CNBD1: variants seen among roughly 807,000 people sequenced by gnomAD.
The protein encoded by CNBD1 is cyclic nucleotide-binding domain-containing protein 1.
In CNBD1, 71 loss-of-function variants were observed where a neutral mutation model predicts 54.4. The observed-to-expected ratio is 1.30, with a 90% CI of 1.08 to 1.59. CNBD1 has a LOEUF of 1.59. CNBD1 is among the 40% of genes most tolerant of loss of function. CNBD1 has a pLI of 0.00. For missense variants in CNBD1, 659 were observed against 518.0 expected, an observed-to-expected ratio of 1.27 and a Z score of -2.64; for synonymous variants, 182 against 170.7, an observed-to-expected ratio of 1.07 and a Z score of -0.51.
chr8:87,282,017 G>T (rs73280342), intron 6 of CNBD1, among the ~76,000 whole-genome samples: 42,564 of 151,106 alleles, frequency 0.28, 6,414 homozygotes, highest in African/African-American at 0.39. Flanking sequence ...TATTTTCTTT[G>T]AGTCAAATTA....
At chr8:87,325,066 T>C (rs1248061540) in intron 8 of CNBD1, among the ~76,000 whole-genome samples, 1 of 98,504 alleles carries the variant, frequency 1.0e-5, no homozygotes, top group East Asian at 2.1e-4. Context: ...ATGTACCCAG[T>C]AGTCATTCAG....
At chr8:86,875,559 G>T (rs1402870948) in intron 1 of CNBD1, among the ~76,000 whole-genome samples, 4 of 152,096 alleles carry the variant, frequency 2.6e-5, no homozygotes, top group Non-Finnish European at 5.9e-5. Flanking sequence ...ACACTGATTT[G>T]TATCTTTCTT....
In CNBD1 at chr8:87,120,943, C is replaced by T. The variant is rs146583520; in HGVS notation, c.432-85050C>T. On this transcript the variant is annotated intron_variant, in intron 4 of 10. Transcript: ENST00000518476. ...ACATACATCAGTTGGCAAGTGTTTC[C>T]TCTAATTTTCTGAAAGCACTTGTTA... Among the ~76,000 whole-genome samples the T allele has an allele frequency of 5.5e-4, 83 of 151,992 alleles. 1 individual carries two copies. Among genetic ancestry groups the T allele is most frequent in the African/African-American group, 2.0e-3 (83 of 41,530 alleles).
At chr8:86,912,274 A>G (rs116799682) in intron 3 of CNBD1, among the ~76,000 whole-genome samples, 147 of 152,330 alleles carry the variant, frequency 9.7e-4, no homozygotes, top group African/African-American at 3.4e-3. Flanking sequence ...ATGTTTATCA[A>G]TGAGGGGTAC....
intron 2 of CNBD1, among the ~76,000 whole-genome samples, chr8:86,896,115 C>T (rs1001965619): frequency 5.3e-5 from 8 of 151,926 alleles, no homozygotes; most frequent in Admixed American, 3.3e-4. Flanking sequence ...ATTCTTTTCC[C>T]ATTTTAAAAT....
chr8:87,289,880 T>G (rs937610689), intron 8 of CNBD1, among the ~76,000 whole-genome samples: 2 of 152,144 alleles, frequency 1.3e-5, no homozygotes, highest in African/African-American at 4.8e-5. Flanking sequence ...AGAACCGGTT[T>G]GATACCTCGA....
intron 4 of CNBD1, among the ~76,000 whole-genome samples, chr8:87,016,932 C>A (rs972978158): frequency 6.6e-6 from 1 of 152,180 alleles, no homozygotes; most frequent in Non-Finnish European, 1.5e-5. Context: ...TTTATGATAA[C>A]TGGGATATCC....
chr8:86,998,888 G>A (rs942041491), intron 4 of CNBD1, among the ~76,000 whole-genome samples: 1 of 152,090 alleles, frequency 6.6e-6, no homozygotes, highest in African/African-American at 2.4e-5. Context: ...GACCCTCAAA[G>A]CATCCCACAA....
chr8:87,119,108 A>AT (rs927008725), intron 4 of CNBD1, among the ~76,000 whole-genome samples: 38 of 151,460 alleles, frequency 2.5e-4, no homozygotes, highest in African/African-American at 6.8e-4. Flanking sequence ...GAATTTTAAG[A>AT]TTTTTTTTTC....
At chr8:87,027,580 A>AT in intron 4 of CNBD1, among the ~76,000 whole-genome samples, 1 of 152,124 alleles carries the variant, frequency 6.6e-6, no homozygotes, top group East Asian at 1.9e-4. Flanking sequence ...TGGCAGTTTG[A>AT]TTTTTAAAGG....
At chr8:87,263,758 C>T (rs1808191272) in intron 6 of CNBD1, among the ~76,000 whole-genome samples, 1 of 151,886 alleles carries the variant, frequency 6.6e-6, no homozygotes, top group African/African-American at 2.4e-5. Flanking sequence ...TTATACTCAA[C>T]ATATAAATAT....
chr8:87,369,683 G>C (rs545957934), intron 10 of CNBD1, among the ~76,000 whole-genome samples: 8 of 151,476 alleles, frequency 5.3e-5, no homozygotes, highest in Non-Finnish European at 1.0e-4. Context: ...GTACCATTGA[G>C]TATCATTTGT....
At chr8:87,096,111 TA>T (rs1811314687) in intron 4 of CNBD1, among the ~76,000 whole-genome samples, 1 of 152,216 alleles carries the variant, frequency 6.6e-6, no homozygotes, top group Non-Finnish European at 1.5e-5. Context: ...GTACAGGGAC[TA>T]TTTTGTAGGA....
At chr8:87,109,272 G>T (rs1811607494) in intron 4 of CNBD1, among the ~76,000 whole-genome samples, 1 of 152,036 alleles carries the variant, frequency 6.6e-6, no homozygotes, top group African/African-American at 2.4e-5. Flanking sequence ...GGACTATTTT[G>T]TCTTTAAATT....
At chr8:86,952,353 G>C (rs79082556) in intron 4 of CNBD1, among the ~76,000 whole-genome samples, 1 of 152,206 alleles carries the variant, frequency 6.6e-6, no homozygotes, top group African/African-American at 2.4e-5. Context: ...TGAATTATCT[G>C]ATAGTGGATT....
chr8:87,261,312 A>C (rs940725092), intron 6 of CNBD1, among the ~76,000 whole-genome samples: 14 of 152,076 alleles, frequency 9.2e-5, no homozygotes, highest in Non-Finnish European at 1.8e-4. Flanking sequence ...TGGGTCCTGC[A>C]GGTACCTTGC....
intron 4 of CNBD1, among the ~76,000 whole-genome samples, chr8:86,991,060 T>C (rs752985712): frequency 5.7e-4 from 87 of 152,258 alleles, no homozygotes; most frequent in Non-Finnish European, 1.1e-3. Flanking sequence ...AATTTATCAG[T>C]TCTGATAATT....
intron 4 of CNBD1, among the ~76,000 whole-genome samples, chr8:86,963,751 A>T (rs1297159298): frequency 6.6e-6 from 1 of 152,160 alleles, no homozygotes; most frequent in Non-Finnish European, 1.5e-5. Context: ...CAAGTCCAGG[A>T]GGAGGTCCAA....
At chr8:86,917,185 T>G (rs188360380) in intron 3 of CNBD1, among the ~76,000 whole-genome samples, 7 of 152,276 alleles carry the variant, frequency 4.6e-5, no homozygotes, top group Admixed American at 4.6e-4. Flanking sequence ...TTGAGGAAGC[T>G]GCACCTTCTA....
Sources: gnomAD v4.1 joint callset for allele counts (sites outside exome capture counted in the v4.1 genomes callset) on GRCh38, gnomAD v4.1.1 for gene constraint, MANE v1.5 for transcripts, NCBI Gene and HGNC (gene_info 2026-07-23, HGNC 2026-07-21) for gene names.